OSBP2: variants seen among roughly 807,000 people sequenced by gnomAD.
OSBP2 encodes the protein oxysterol-binding protein 2.
Under a neutral mutation model 96.0 loss-of-function variants are expected in OSBP2, and 66 were observed. That is an observed-to-expected ratio of 0.69 (90% CI 0.56 to 0.84). The LOEUF is 0.84. OSBP2 is among the 40% of genes least tolerant of loss of function. The pLI, the probability that OSBP2 is intolerant of heterozygous loss-of-function variation, is 0.00. For synonymous variants in OSBP2, 525 were observed against 520.9 expected, an observed-to-expected ratio of 1.01 and a Z score of -0.11; for missense variants, 1,038 against 1,222.7, an observed-to-expected ratio of 0.85 and a Z score of 2.25.
chr22:30,857,503 A>G (rs1477148503), intron 2 of OSBP2, among the ~76,000 whole-genome samples: 1 of 152,204 alleles, frequency 6.6e-6, no homozygotes, highest in Non-Finnish European at 1.5e-5. Context: ...CTTGGGGAGA[A>G]TCACTGGAGA....
chr22:30,813,022 G>A (rs1185074349), intron 2 of OSBP2, among the ~76,000 whole-genome samples: 2 of 151,988 alleles, frequency 1.3e-5, no homozygotes, highest in African/African-American at 4.8e-5. Context: ...TATATATTTT[G>A]TGAGCATTTT....
chr22:30,703,480 C>CTT (rs531713410), intron 1 of OSBP2, among the ~76,000 whole-genome samples: 2 of 124,300 alleles, frequency 1.6e-5, no homozygotes, highest in African/African-American at 3.0e-5. Flanking sequence ...GGCCTTATAG[C>CTT]TTTTTTTTTT....
intron 2 of OSBP2, among the ~76,000 whole-genome samples, chr22:30,795,545 G>A (rs1405639860): frequency 7.6e-6 from 1 of 131,050 alleles, no homozygotes; most frequent in African/African-American, 2.9e-5. Context: ...TTGAGATGGA[G>A]TTTCACTCTT....
rs1288451627 is a variant in OSBP2 at position 30,906,317 on chromosome 22, A to C, written c.2729A>C (p.His910Pro). 1.2e-6 allele frequency: 2 copies of C among 1,611,790 alleles called. No individual in the cohort carries two copies. The highest frequency in any genetic ancestry group is 1.7e-6 in the Non-Finnish European group (2 of 1,178,538). ...YWEAKEKQDW[H>P]MCPNIF ...GAGGCCAAGGAGAAGCAAGACTGGC[A>C]TATGTGCCCCAACATCTTCTGAGCG... The change falls in exon 14 of 14, where the codon CAT becomes CCT. Residue 910 changes from histidine (H) to proline (P), a missense_variant. By Grantham distance (77) the His-to-Pro change is moderately conservative. Around this residue, in one of 3 missense-constraint regions of OSBP2, gnomAD observed 737 missense variants for 913.3 expected, o/e 0.81. Transcript: ENST00000332585.
intron 3 of OSBP2, among the ~76,000 whole-genome samples, chr22:30,885,247 T>G (rs1040528929): frequency 6.6e-6 from 1 of 152,046 alleles, no homozygotes; most frequent in Non-Finnish European, 1.5e-5. Context: ...GAGGAAGTGC[T>G]GGGGAGTGGC....
intron 1 of OSBP2, among the ~76,000 whole-genome samples, chr22:30,725,197 C>A (rs9609063): frequency 1.1e-4 from 15 of 138,784 alleles, no homozygotes; most frequent in South Asian, 2.3e-4. Flanking sequence ...AACAAAAAAA[C>A]AAAAAAAAAA....
chr22:30,721,325 T>C (rs923328559), intron 1 of OSBP2, among the ~76,000 whole-genome samples: 7 of 152,192 alleles, frequency 4.6e-5, no homozygotes, highest in African/African-American at 1.7e-4. Flanking sequence ...TGTCATTGGT[T>C]ACTGGGTGCT....
Position 30,881,215 on chromosome 22 carries a change from G to A in OSBP2, c.1108-6211G>A, listed in dbSNP as rs530819019. Among the ~76,000 whole-genome samples, 9 of 152,270 alleles carry A rather than the reference G, an allele frequency of 5.9e-5. No individual in the cohort carries two copies. In the East Asian group the frequency reaches 1.7e-3, roughly 29 times the overall value. ...AGAACCCTCTGTGCAGCACTTGGGGGTAGGCAGAAGGGGCAGGGCCAGGAC... is the reference window on the plus strand; with the variant it reads ...AGAACCCTCTGTGCAGCACTTGGGGATAGGCAGAAGGGGCAGGGCCAGGAC... On this transcript the variant is annotated intron_variant, in intron 3 of 13. Coordinates refer to ENST00000332585, the MANE Select transcript of OSBP2 (RefSeq NM_030758.4). The surrounding 1 kb of genome is among the most constrained non-coding windows in gnomAD (Gnocchi z 4.5).
intron 2 of OSBP2, chr22:30,822,806 CT>C (rs2038308613): frequency 3.2e-5 from 34 of 1,047,536 alleles, no homozygotes; most frequent in Non-Finnish European, 4.4e-5. Flanking sequence ...CCACGGGAGC[CT>C]CTGATGTCAC....
intron 2 of OSBP2, among the ~76,000 whole-genome samples, chr22:30,792,933 A>C (rs571930355): frequency 1.3e-5 from 2 of 152,308 alleles, no homozygotes; most frequent in South Asian, 4.1e-4. Context: ...GTCATCTTCC[A>C]AGTGACTTGT....
intron 3 of OSBP2, among the ~76,000 whole-genome samples, chr22:30,880,427 C>G (rs1476999631): frequency 6.6e-6 from 1 of 152,212 alleles, no homozygotes; most frequent in Admixed American, 6.5e-5. Flanking sequence ...CTGGGACCTC[C>G]TGTGTGTGCT....
chr22:30,849,290 G>A (rs1393469193), intron 2 of OSBP2, among the ~76,000 whole-genome samples: 1 of 151,962 alleles, frequency 6.6e-6, no homozygotes, highest in African/African-American at 2.4e-5. Context: ...AGAAAAGAAA[G>A]AATTTAAAGA....
intron 2 of OSBP2, among the ~76,000 whole-genome samples, chr22:30,786,568 G>T (rs1205280388): frequency 2.0e-5 from 3 of 152,030 alleles, no homozygotes. Flanking sequence ...TTGCCTAGAG[G>T]AGGTGATATG....
At chr22:30,726,893 A>G (rs1444131876) in intron 1 of OSBP2, among the ~76,000 whole-genome samples, 2 of 152,188 alleles carry the variant, frequency 1.3e-5, no homozygotes, top group African/African-American at 4.8e-5. Context: ...AGAGGCTTCT[A>G]TTTGATGGGC....
intron 2 of OSBP2, among the ~76,000 whole-genome samples, chr22:30,869,100 C>T (rs1182660215): frequency 1.3e-5 from 2 of 152,222 alleles, no homozygotes; most frequent in East Asian, 3.8e-4. Context: ...CCTGCCCCAC[C>T]TGCTGTGGTG....
At chr22:30,699,521 G>A (rs116424080) in intron 1 of OSBP2, among the ~76,000 whole-genome samples, 2 of 152,238 alleles carry the variant, frequency 1.3e-5, no homozygotes, top group Non-Finnish European at 2.9e-5. Context: ...TATTCCCAAC[G>A]GTCATGAAAA....
At chr22:30,764,750 T>C (rs139607280) in intron 2 of OSBP2, among the ~76,000 whole-genome samples, 6 of 152,242 alleles carry the variant, frequency 3.9e-5, no homozygotes, top group African/African-American at 1.4e-4. Flanking sequence ...AGGGAAAATA[T>C]AGGTGCATTC....
Position 30,898,795 on chromosome 22 carries a change from G to A in OSBP2, c.2375+4794G>A, listed in dbSNP as rs558661714. On this transcript the variant is annotated intron_variant, in intron 12 of 13. Transcript: ENST00000332585. Reference sequence around the variant, plus strand: ...TCCCAGCACTTTGGAAGGCTGAGGCGGGAGGATTGCTTGAGTTGAAGAATT... The same window carrying A: ...TCCCAGCACTTTGGAAGGCTGAGGCAGGAGGATTGCTTGAGTTGAAGAATT... 1.5e-4 allele frequency among the ~76,000 whole-genome samples: 23 copies of A among 151,520 alleles called. No individual in the cohort carries two copies. The East Asian group carries it at 2.7e-3, about 18-fold the overall frequency.
intron 12 of OSBP2, among the ~76,000 whole-genome samples, chr22:30,903,263 C>A (rs1454003705): frequency 6.6e-6 from 1 of 152,250 alleles, no homozygotes; most frequent in Non-Finnish European, 1.5e-5. Context: ...CCAACAAAAA[C>A]CAGAAGTCAC....
Sources: allele counts gnomAD v4.1 joint callset (sites outside exome capture counted in the v4.1 genomes callset), GRCh38; gene constraint gnomAD v4.1.1; regional missense constraint gnomAD v4.1.1; non-coding constraint Gnocchi (gnomAD v3.1); transcripts MANE v1.5; gene names NCBI Gene and HGNC (gene_info 2026-07-23, HGNC 2026-07-21).